Variants in P3H2 observed in about 807,000 individuals in gnomAD.
P3H2 encodes the protein leprecan-like 1.
Under a neutral mutation model 87.0 loss-of-function variants are expected in P3H2, and 80 were observed. The observed-to-expected ratio is 0.92, with a 90% CI of 0.77 to 1.11. P3H2 has a LOEUF of 1.11. Ranked by LOEUF, P3H2 falls within the 50% of genes least tolerant of loss-of-function variation. The pLI, the probability that P3H2 is intolerant of heterozygous loss-of-function variation, is 0.00. For synonymous variants in P3H2, 367 were observed against 359.3 expected, an observed-to-expected ratio of 1.02 and a Z score of -0.24; for missense variants, 1,001 against 923.9, an observed-to-expected ratio of 1.08 and a Z score of -1.08.
chr3:189,976,475 A>T (rs1055376822), intron 8 of P3H2, among the ~76,000 whole-genome samples: 11 of 152,314 alleles, frequency 7.2e-5, no homozygotes, highest in African/African-American at 2.6e-4. Context: ...CTTATTCACT[A>T]CCAGGAGAAC....
At chr3:190,009,447 C>T (rs1724521665) in intron 1 of P3H2, among the ~76,000 whole-genome samples, 1 of 152,154 alleles carries the variant, frequency 6.6e-6, no homozygotes, top group Non-Finnish European at 1.5e-5. Flanking sequence ...TACCCTACTC[C>T]TTCCAACCAG....
At chr3:190,077,843 A>G (rs1268433900) in intron 1 of P3H2, among the ~76,000 whole-genome samples, 1 of 152,212 alleles carries the variant, frequency 6.6e-6, no homozygotes, top group African/African-American at 2.4e-5. Context: ...CAAGATATGA[A>G]TGGAATTTAT....
intron 1 of P3H2, among the ~76,000 whole-genome samples, chr3:190,033,558 A>G (rs764273649): frequency 2.4e-4 from 37 of 152,186 alleles, no homozygotes; most frequent in Non-Finnish European, 4.4e-5. Context: ...TCTCATGTTT[A>G]GTACATGTCT....
intron 8 of P3H2, among the ~76,000 whole-genome samples, chr3:189,975,591 G>A (rs528365438): frequency 3.3e-5 from 5 of 152,282 alleles, no homozygotes; most frequent in East Asian, 1.9e-4. Flanking sequence ...AGCAACAGCC[G>A]AAGATAAGAC....
rs1352366215 is a variant in P3H2 at position 189,957,875 on chromosome 3, T to C, written c.*37A>G. 9 of 1,398,208 alleles carry C rather than the reference T, an allele frequency of 6.4e-6. No homozygotes were observed. Among genetic ancestry groups the C allele is most frequent in the Non-Finnish European group, 7.1e-6 (7 of 984,482 alleles). 86.6% of individuals were successfully genotyped at this position (1,398,208 alleles called of 1,614,324 possible). On this transcript the variant is annotated 3_prime_UTR_variant, in exon 15 of 15. Transcript: ENST00000319332. Reference sequence around the variant, plus strand: ...AAAAAGGTTCTCATAAGATTAACAATTTAAATAAATATTTGATAGAACATT... The same window carrying C: ...AAAAAGGTTCTCATAAGATTAACAACTTAAATAAATATTTGATAGAACATT...
intron 1 of P3H2, among the ~76,000 whole-genome samples, chr3:190,097,050 T>G (rs1223515997): frequency 1.3e-5 from 2 of 152,114 alleles, no homozygotes; most frequent in African/African-American, 4.8e-5. Context: ...CTGCCACACT[T>G]GAGAATGGAC....
At chr3:189,986,532 T>C (rs1723704685) in intron 6 of P3H2, among the ~76,000 whole-genome samples, 1 of 152,168 alleles carries the variant, frequency 6.6e-6, no homozygotes, top group Non-Finnish European at 1.5e-5. Flanking sequence ...GAGGTTGCAG[T>C]GAGCCGAGAT....
intron 1 of P3H2, among the ~76,000 whole-genome samples, chr3:190,071,368 A>C: frequency 6.6e-6 from 1 of 152,254 alleles, no homozygotes; most frequent in East Asian, 1.9e-4. Context: ...AATATGTTTA[A>C]GTTCTTTCCT....
intron 14 of P3H2, among the ~76,000 whole-genome samples, chr3:189,960,932 AG>A (rs1722792356): frequency 6.6e-6 from 1 of 150,528 alleles, no homozygotes. Context: ...TACAAATATA[AG>A]GAAAACAATC....
chr3:189,968,531 T>C (rs1489698669), intron 13 of P3H2, among the ~76,000 whole-genome samples: 1 of 152,226 alleles, frequency 6.6e-6, no homozygotes, highest in African/African-American at 2.4e-5. Context: ...TCTTTGCTAT[T>C]GTGAACAGTG....
chr3:189,994,305 A>AAAACAAACAAACAAACAAAC lies in P3H2; in HGVS notation c.634-42_634-23dup, dbSNP rs3836444. On this transcript the variant is annotated intron_variant, in intron 2 of 14. Coordinates refer to ENST00000319332, the MANE Select transcript of P3H2 (RefSeq NM_018192.4). ...TCTCCTGTAATGAAACAGACGGGAA[A>AAAACAAACAAACAAACAAAC]AAACAAACAAACAAACAAACAAACA... 5 of 1,230,538 alleles carry AAAACAAACAAACAAACAAAC rather than the reference A, an allele frequency of 4.1e-6. No individual in the cohort carries two copies. In the South Asian group the frequency reaches 6.4e-5, roughly 16 times the overall value. The allele number at this position is 1,230,538 out of a possible 1,614,324, so 76.2% of individuals were successfully genotyped here. A position where few individuals can be genotyped will look rare whatever the true frequency, so the allele number is the denominator to read the frequency against.
intron 1 of P3H2, among the ~76,000 whole-genome samples, chr3:190,074,376 T>C (rs954164201): frequency 6.6e-6 from 1 of 151,942 alleles, no homozygotes; most frequent in Admixed American, 6.6e-5. Context: ...CCGGGTACAG[T>C]GGCATGCACC....
intron 1 of P3H2, among the ~76,000 whole-genome samples, chr3:190,110,093 C>T (rs553927819): frequency 1.6e-4 from 24 of 152,154 alleles, no homozygotes; most frequent in African/African-American, 4.1e-4. Context: ...AGGTGATCCA[C>T]GCTCCTCAGC....
chr3:190,027,507 T>C (rs1354535185), intron 1 of P3H2, among the ~76,000 whole-genome samples: 3 of 152,112 alleles, frequency 2.0e-5, no homozygotes, highest in Non-Finnish European at 2.9e-5. Context: ...CATCAGGTTA[T>C]AGAGAAAGAG....
intron 1 of P3H2, among the ~76,000 whole-genome samples, chr3:190,001,868 C>G (rs1724227625): frequency 6.6e-6 from 1 of 151,932 alleles, no homozygotes. Flanking sequence ...TTCATAGAAC[C>G]AAATAAATAA....
intron 1 of P3H2, among the ~76,000 whole-genome samples, chr3:190,043,588 A>G (rs1725708921): frequency 6.6e-6 from 1 of 152,214 alleles, no homozygotes; most frequent in South Asian, 2.1e-4. Context: ...GTAAACAGGA[A>G]TTGTATATAG....
chr3:190,070,280 C>T (rs1726656234), intron 1 of P3H2, among the ~76,000 whole-genome samples: 1 of 152,004 alleles, frequency 6.6e-6, no homozygotes, highest in African/African-American at 2.4e-5. Context: ...TGGCTCAGTG[C>T]ATTGGAGGAA....
chr3:190,069,443 G>A (rs1244512620), intron 1 of P3H2, among the ~76,000 whole-genome samples: 1 of 152,042 alleles, frequency 6.6e-6, no homozygotes, highest in East Asian at 1.9e-4. Context: ...ATATTTGATG[G>A]GATGTTTCAA....
intron 1 of P3H2, among the ~76,000 whole-genome samples, chr3:190,023,040 A>C (rs1724979805): frequency 6.6e-6 from 1 of 151,934 alleles, no homozygotes; most frequent in South Asian, 2.1e-4. Context: ...GTTAGCCAGG[A>C]TGGTCTCGAT....
Sources: allele counts gnomAD v4.1 joint callset (sites outside exome capture counted in the v4.1 genomes callset), GRCh38; gene constraint gnomAD v4.1.1; transcripts MANE v1.5; gene names NCBI Gene and HGNC (gene_info 2026-07-23, HGNC 2026-07-21).